Variants in LRRC28 observed in about 807,000 individuals in gnomAD.
LRRC28 encodes leucine rich repeat containing 28.
Under a neutral mutation model 45.7 loss-of-function variants are expected in LRRC28, and 39 were observed. The observed-to-expected ratio is 0.85, with a 90% CI of 0.66 to 1.12. The LOEUF is 1.12. Among genes scored for constraint, LRRC28 ranks in the 50% most tolerant of loss-of-function variants. The pLI is 0.00. For missense variants in LRRC28, 435 were observed against 438.5 expected (o/e 0.99, Z 0.07); for synonymous variants, 206 against 178.8 (o/e 1.15, Z -1.22).
intron 3 of LRRC28, among the ~76,000 whole-genome samples, chr15:99,279,281 TTTTG>T (rs767144799): frequency 6.6e-6 from 1 of 152,258 alleles, no homozygotes; most frequent in Non-Finnish European, 1.5e-5. Flanking sequence ...ATACATGACT[TTTTG>T]TTTATCTGTT....
At chr15:99,279,962 C>T (rs1267752625) in intron 3 of LRRC28, among the ~76,000 whole-genome samples, 2 of 152,182 alleles carry the variant, frequency 1.3e-5, no homozygotes, top group South Asian at 2.1e-4. Context: ...GTCCGCACAT[C>T]TTACCAGCAT....
At chr15:99,310,517 A>G (rs948275977) in intron 5 of LRRC28, among the ~76,000 whole-genome samples, 1 of 152,222 alleles carries the variant, frequency 6.6e-6, no homozygotes. Context: ...ATTATGTTCT[A>G]CTACCCAGTG....
At chr15:99,320,407 G>A (rs1399134329) in intron 5 of LRRC28, among the ~76,000 whole-genome samples, 4 of 152,090 alleles carry the variant, frequency 2.6e-5, no homozygotes, top group Non-Finnish European at 5.9e-5. Flanking sequence ...ACCCTAAGTA[G>A]TGTATTACTA....
intron 2 of LRRC28, among the ~76,000 whole-genome samples, chr15:99,267,908 G>A (rs1271884993): frequency 6.6e-6 from 1 of 152,138 alleles, no homozygotes; most frequent in Admixed American, 6.5e-5. Flanking sequence ...GAAAATGAAC[G>A]TCTGTTCCAT....
At chr15:99,260,516 A>G (rs2081165724) in intron 2 of LRRC28, among the ~76,000 whole-genome samples, 1 of 152,250 alleles carries the variant, frequency 6.6e-6, no homozygotes, top group Admixed American at 6.5e-5. Flanking sequence ...TACGTATATC[A>G]AAGAACTTTG....
At chr15:99,297,532 G>C (rs1247271910) in intron 5 of LRRC28, among the ~76,000 whole-genome samples, 2 of 150,764 alleles carry the variant, frequency 1.3e-5, no homozygotes, top group Admixed American at 1.3e-4. Flanking sequence ...CCTAAATGCT[G>C]GGTTAAAGGT....
Position 99,287,904 on chromosome 15 carries a change from T to C in LRRC28, c.338T>C (p.Leu113Ser). 6.2e-7 allele frequency: 1 copy of C among 1,613,906 alleles called. No homozygotes were observed. The highest frequency in any genetic ancestry group is 8.5e-7 in the Non-Finnish European group (1 of 1,179,878). The change falls in exon 5 of 10, where the codon TTA (leucine) becomes TCA (serine). Residue 113 changes from leucine to serine, a missense_variant. Physicochemically the swap from Leu to Ser is moderately radical, Grantham distance 145 (BLOSUM62 -2). Coordinates refer to ENST00000301981, the MANE Select transcript of LRRC28 (RefSeq NM_144598.5). ...CCAGAAATTGGTCGTCTGAGAGCTT[T>C]ACGTCATCTTCGATTAGCTAATAAC... ...VCPEIGRLRALRHLRLANNQL... is the reference protein window; with the variant it reads ...VCPEIGRLRASRHLRLANNQL...
At chr15:99,277,799 G>GTATT (rs1361119918) in intron 3 of LRRC28, among the ~76,000 whole-genome samples, 2 of 152,036 alleles carry the variant, frequency 1.3e-5, no homozygotes, top group African/African-American at 4.8e-5. Flanking sequence ...AAATAAGTAT[G>GTATT]TATTTCTAGG....
intron 3 of LRRC28, chr15:99,285,009 G>C (rs2081919484): frequency 1.6e-6 from 1 of 645,036 alleles, no homozygotes; most frequent in Non-Finnish European, 2.9e-6. Flanking sequence ...TCTTTGGCTG[G>C]ATGAAGCACT....
intron 7 of LRRC28, among the ~76,000 whole-genome samples, chr15:99,353,053 A>C (rs1956935278): frequency 6.6e-6 from 1 of 152,176 alleles, no homozygotes; most frequent in Non-Finnish European, 1.5e-5. Context: ...GAGCAGCAAT[A>C]ATCTTTTCTT....
At chr15:99,271,432 C>T (rs1430410836) in intron 2 of LRRC28, among the ~76,000 whole-genome samples, 1 of 151,920 alleles carries the variant, frequency 6.6e-6, no homozygotes, top group African/African-American at 2.4e-5. Context: ...GTGTGTGCCA[C>T]CATGCCCAGC....
intron 5 of LRRC28, among the ~76,000 whole-genome samples, chr15:99,293,365 G>A (rs1015637946): frequency 6.6e-6 from 1 of 151,904 alleles, no homozygotes; most frequent in African/African-American, 2.4e-5. Flanking sequence ...AGGCCAAGGT[G>A]GGTGGATCAC....
chr15:99,317,639 T>C (rs2152273328), intron 5 of LRRC28: 1 of 152,246 alleles, frequency 6.6e-6, no homozygotes, highest in African/African-American at 2.4e-5. Context: ...TTAAGTTGCT[T>C]TTTGGGGTGT....
chr15:99,343,386 C>G (rs1490797227), intron 6 of LRRC28, among the ~76,000 whole-genome samples: 6 of 152,160 alleles, frequency 3.9e-5, no homozygotes, highest in African/African-American at 1.4e-4. Context: ...TACACAGGAG[C>G]TTTTTGTTCC....
At chr15:99,304,717 G>A (rs1038684857) in intron 5 of LRRC28, among the ~76,000 whole-genome samples, 7 of 152,002 alleles carry the variant, frequency 4.6e-5, no homozygotes, top group African/African-American at 1.7e-4. Context: ...AAAGTGCTGG[G>A]ATTACAGGCA....
At chr15:99,295,011 T>A (rs1454463204) in intron 5 of LRRC28, among the ~76,000 whole-genome samples, 2 of 152,244 alleles carry the variant, frequency 1.3e-5, no homozygotes, top group Non-Finnish European at 2.9e-5. Context: ...GCCTCTTGTG[T>A]TCCCTAGATT....
intron 9 of LRRC28, among the ~76,000 whole-genome samples, chr15:99,381,361 G>A (rs536095657): frequency 8.5e-5 from 13 of 152,078 alleles, no homozygotes; most frequent in South Asian, 4.2e-4. Flanking sequence ...TGTAGTTCTC[G>A]CGCCATGTTT....
chr15:99,282,177 G>GTTTTT lies in LRRC28; in HGVS notation c.210-5070_210-5066dup, dbSNP rs766338889. On this transcript the variant is annotated intron_variant, in intron 3 of 9. Transcript: ENST00000301981. Reference sequence around the variant, plus strand: ...GGATTCCTTATGCAAATTTTTGGAGGTTTTTTTTTTTTTTGTAGCAGTAGC... The same window carrying GTTTTT: ...GGATTCCTTATGCAAATTTTTGGAGGTTTTTTTTTTTTTTTTTTTGTAGCAGTAGC... Among the ~76,000 whole-genome samples, 52 of 98,054 alleles carry GTTTTT rather than the reference G, an allele frequency of 5.3e-4. 1 individual carries two copies. The highest frequency in any genetic ancestry group is 1.3e-3 in the African/African-American group (28 of 20,780). The allele number at this position is 98,054 out of a possible 152,430, so 64.3% of individuals were successfully genotyped here.
chr15:99,263,625 C>T (rs140613121), intron 2 of LRRC28, among the ~76,000 whole-genome samples: 230 of 152,326 alleles, frequency 1.5e-3, no homozygotes, highest in Middle Eastern at 6.8e-3. Flanking sequence ...GTCTTGCGTT[C>T]TGTACCTTCA....
Sources: allele counts gnomAD v4.1 joint callset (sites outside exome capture counted in the v4.1 genomes callset), GRCh38; gene constraint gnomAD v4.1.1; transcripts MANE v1.5; gene names NCBI Gene and HGNC (gene_info 2026-07-23, HGNC 2026-07-21).